Variants in IL1RAPL2 observed in about 807,000 individuals in gnomAD.
IL1RAPL2 encodes interleukin 1 receptor accessory protein like 2.
A neutral mutation model predicts 44.1 loss-of-function variants in IL1RAPL2; 3 were observed. The ratio of observed to expected loss-of-function variants is 0.07; its 90% CI spans 0.03 to 0.18. IL1RAPL2 has a LOEUF of 0.18. IL1RAPL2 is among the 10% of genes least tolerant of loss of function. IL1RAPL2 has a pLI of 1.00. For missense variants in IL1RAPL2, 391 were observed against 496.4 expected, an observed-to-expected ratio of 0.79 and a Z score of 2.02; for synonymous variants, 181 against 178.8, an observed-to-expected ratio of 1.01 and a Z score of -0.10.
chrX:105,089,235 A>G (rs2032513367), intron 2 of IL1RAPL2, among the ~76,000 whole-genome samples: 1 of 111,140 alleles, frequency 9.0e-6, no homozygotes, highest in Non-Finnish European at 1.9e-5. Context: ...CTACATGCAT[A>G]ATTAGACACT....
chrX:105,387,844 C>T (rs999771697), intron 5 of IL1RAPL2, among the ~76,000 whole-genome samples: 1 of 109,471 alleles, frequency 9.1e-6, no homozygotes, highest in African/African-American at 3.3e-5. Flanking sequence ...TTATGCTTTG[C>T]GTCTGTAGAA....
At chrX:105,361,502 G>A (rs773042539) in intron 5 of IL1RAPL2, among the ~76,000 whole-genome samples, 1 of 111,591 alleles carries the variant, frequency 9.0e-6, no homozygotes, top group African/African-American at 3.2e-5. Flanking sequence ...GATGAAATCA[G>A]GAGGAAATAA....
At chrX:104,604,761 A>G (rs1487032973) in intron 1 of IL1RAPL2, among the ~76,000 whole-genome samples, 1 of 111,048 alleles carries the variant, frequency 9.0e-6, no homozygotes, top group Non-Finnish European at 1.9e-5. Context: ...AATGCAGCAA[A>G]ATAACTAACT....
intron 2 of IL1RAPL2, among the ~76,000 whole-genome samples, chrX:105,137,663 T>G (rs2033088614): frequency 8.9e-6 from 1 of 112,237 alleles, no homozygotes; most frequent in Non-Finnish European, 1.9e-5. Context: ...AAATTTGTGT[T>G]GATTTGGTCT....
chrX:104,780,974 CA>C (rs986235900), intron 2 of IL1RAPL2, among the ~76,000 whole-genome samples: 1 of 111,207 alleles, frequency 9.0e-6, no homozygotes, highest in Admixed American at 9.6e-5. Flanking sequence ...ATATCATTTG[CA>C]ATGTGTCAAA....
rs771273550 is a variant in IL1RAPL2, at chrX:105,502,595, C to T, written c.772+18208C>T. On this transcript the variant is annotated intron_variant, in intron 6 of 10. Coordinates refer to ENST00000372582, the MANE Select transcript of IL1RAPL2 (RefSeq NM_017416.2). The stretch of plus-strand genomic sequence containing the variant: ...AGATTGTGTGAGCTTATTCAGCAGC[C>T]ACATCACACTGTTGGCTAGTGTTTT... Among the ~76,000 whole-genome samples, 9 of 111,559 alleles carry T rather than the reference C, an allele frequency of 8.1e-5. No homozygotes were observed. In the South Asian group the frequency reaches 2.2e-3, roughly 28 times the overall value.
At chrX:104,939,050 C>CTTTTTT (rs60881835) in intron 2 of IL1RAPL2, among the ~76,000 whole-genome samples, 13 of 81,457 alleles carry the variant, frequency 1.6e-4, no homozygotes, top group Admixed American at 2.8e-4. Context: ...TGCATGCTAG[C>CTTTTTT]TTTTTTTTTT....
intron 2 of IL1RAPL2, among the ~76,000 whole-genome samples, chrX:104,660,891 C>T (rs1004829862): frequency 2.9e-5 from 3 of 103,912 alleles, no homozygotes; most frequent in Non-Finnish European, 5.8e-5. Flanking sequence ...CGAGATCATG[C>T]CACTGCACTC....
chrX:105,246,622 C>T (rs1222642658), intron 4 of IL1RAPL2, among the ~76,000 whole-genome samples: 1 of 111,322 alleles, frequency 9.0e-6, no homozygotes, highest in Non-Finnish European at 1.9e-5. Context: ...TTGAATTTCT[C>T]CTTGTCTGGA....
chrX:105,526,095 T>G (rs1263846372), intron 6 of IL1RAPL2, among the ~76,000 whole-genome samples: 1 of 112,087 alleles, frequency 8.9e-6, no homozygotes, highest in East Asian at 2.8e-4. Context: ...CTGTATCAAC[T>G]CTATCAGCAG....
chrX:105,146,874 G>C (rs1197573080), intron 2 of IL1RAPL2, among the ~76,000 whole-genome samples: 3 of 111,812 alleles, frequency 2.7e-5, no homozygotes, highest in African/African-American at 9.7e-5. Flanking sequence ...CATTGGTTTG[G>C]CGTAAAAAGG....
chrX:104,795,786 C>T (rs1932846603), intron 2 of IL1RAPL2, among the ~76,000 whole-genome samples: 1 of 112,023 alleles, frequency 8.9e-6, no homozygotes, highest in African/African-American at 3.2e-5. Context: ...TGTAAGGAAA[C>T]TGTTAAATCC....
At chrX:104,808,389 T>C (rs1475370960) in intron 2 of IL1RAPL2, among the ~76,000 whole-genome samples, 1 of 111,688 alleles carries the variant, frequency 9.0e-6, no homozygotes, top group Non-Finnish European at 1.9e-5. Context: ...TTAAGAGACT[T>C]AGATTTATAC....
chrX:104,643,353 C>A (rs541346046), intron 1 of IL1RAPL2, among the ~76,000 whole-genome samples: 1 of 111,493 alleles, frequency 9.0e-6, no homozygotes, highest in African/African-American at 3.3e-5. Context: ...GGCTAGTAAT[C>A]GTTACGATTA....
At chrX:104,823,085 T>C (rs1921351413) in intron 2 of IL1RAPL2, among the ~76,000 whole-genome samples, 1 of 111,672 alleles carries the variant, frequency 9.0e-6, no homozygotes, top group Admixed American at 9.5e-5. Context: ...TAGGGATGCT[T>C]GTGATTTTTG....
chrX:105,701,545 C>G (rs2038119483), intron 6 of IL1RAPL2, among the ~76,000 whole-genome samples: 1 of 111,133 alleles, frequency 9.0e-6, no homozygotes, highest in Admixed American at 9.6e-5. Flanking sequence ...CTATATCAAG[C>G]TAATCACTTC....
At chrX:104,740,473 C>T (rs955581365) in intron 2 of IL1RAPL2, among the ~76,000 whole-genome samples, 5 of 110,830 alleles carry the variant, frequency 4.5e-5, no homozygotes, top group African/African-American at 1.6e-4. Context: ...TTAGATTTAT[C>T]TCCTCTATGT....
intron 5 of IL1RAPL2, among the ~76,000 whole-genome samples, chrX:105,358,737 T>C (rs1325389886): frequency 2.7e-5 from 3 of 110,714 alleles, no homozygotes; most frequent in Non-Finnish European, 5.7e-5. Flanking sequence ...TGGGTTACTT[T>C]TTAATGCTAT....
At chrX:105,671,537 G>T (rs1174849298) in intron 6 of IL1RAPL2, among the ~76,000 whole-genome samples, 1 of 111,591 alleles carries the variant, frequency 9.0e-6, no homozygotes, top group Non-Finnish European at 1.9e-5. Context: ...TAAGAGCAGT[G>T]ATTTTCAGCT....
Sources: gnomAD v4.1 joint callset for allele counts (sites outside exome capture counted in the v4.1 genomes callset) on GRCh38, gnomAD v4.1.1 for gene constraint, MANE v1.5 for transcripts, NCBI Gene and HGNC (gene_info 2026-07-23, HGNC 2026-07-21) for gene names.